Variants in RADIL observed in about 807,000 individuals in gnomAD.
RADIL encodes the protein Rap associating with DIL domain, also known as ras-associating and dilute domain-containing protein.
Under a neutral mutation model 97.6 loss-of-function variants are expected in RADIL, and 99 were observed. That is an observed-to-expected ratio of 1.01 (90% confidence interval 0.86 to 1.20). RADIL has a LOEUF of 1.20. RADIL is among the 50% of genes most tolerant of loss of function. The pLI is 0.00. For missense variants in RADIL, 1,765 were observed against 1,498.9 expected, an observed-to-expected ratio of 1.18 and a Z score of -2.93; for synonymous variants, 803 against 691.8, an observed-to-expected ratio of 1.16 and a Z score of -2.52.
At chr7:4,820,337 G>C (rs1156528539) in intron 6 of RADIL, among the ~76,000 whole-genome samples, 3 of 152,228 alleles carry the variant, frequency 2.0e-5, no homozygotes, top group African/African-American at 7.2e-5. Flanking sequence ...GAGGCCTGTA[G>C]CTGGGCAGCT....
At position 4,797,671 on chromosome 7, in the gene RADIL, G is replaced by C. The variant is rs1219400641; in HGVS notation, c.*1707C>G. 2 of 152,182 alleles carry C rather than the reference G, an allele frequency of 1.3e-5. No homozygotes were observed. Among genetic ancestry groups the C allele is most frequent in the African/African-American group, 4.8e-5 (2 of 41,418 alleles). 9.4% of individuals were successfully genotyped at this position (152,182 alleles called of 1,614,324 possible). On this transcript the variant is annotated 3_prime_UTR_variant, in exon 15 of 15. Transcript: ENST00000399583. ...TCGGCAGTGCTAACACACACGTTGT[G>C]GGACTCCTAGGAAAAGAAACAGAAC...
Position 4,879,772 on chromosome 7 carries a change from G to A in RADIL, c.-64-1569C>T, listed in dbSNP as rs1041235646. Among the ~76,000 whole-genome samples the A allele has an allele frequency of 1.3e-5, 2 of 152,114 alleles. No homozygotes were observed. The highest frequency in any genetic ancestry group is 6.6e-5 in the Admixed American group (1 of 15,264). ...CCTTAGGAAACTAAACAGTGGAACC[G>A]CCCCAGCCTCCAAAGCTGACACTGC... On this transcript the variant is annotated intron_variant, in intron 1 of 14. Coordinates refer to ENST00000399583, the MANE Select transcript of RADIL (RefSeq NM_018059.5). The surrounding 1 kb of genome is among the most constrained non-coding windows in gnomAD (Gnocchi z 4.1).
At chr7:4,847,227 A>T (rs1174510821) in intron 2 of RADIL, among the ~76,000 whole-genome samples, 1 of 152,174 alleles carries the variant, frequency 6.6e-6, no homozygotes, top group Non-Finnish European at 1.5e-5. Context: ...AGGCTGAGGC[A>T]GGAGAATCGC....
intron 2 of RADIL, among the ~76,000 whole-genome samples, chr7:4,875,398 A>G (rs1784353241): frequency 6.6e-6 from 1 of 152,028 alleles, no homozygotes; most frequent in Non-Finnish European, 1.5e-5. Flanking sequence ...ATCTCAAAAA[A>G]AAAAAAAGAA....
intron 5 of RADIL, among the ~76,000 whole-genome samples, chr7:4,823,388 T>C (rs1486357544): frequency 6.6e-6 from 1 of 151,694 alleles, no homozygotes; most frequent in Non-Finnish European, 1.5e-5. Context: ...CAGGCTGCTC[T>C]TGAACTCCTA....
intron 2 of RADIL, 43 bp downstream of exon 2, chr7:4,877,562 C>T (rs768209723): frequency 1.2e-5 from 19 of 1,545,382 alleles, no homozygotes; most frequent in Middle Eastern, 2.0e-4. Context: ...GCCTTCTCAG[C>T]GCTCAGACCC....
In RADIL at chr7:4,877,610, G is replaced by A. The variant is rs774168165; in HGVS notation, c.530C>T (p.Thr177Met). The A allele has an allele frequency of 1.3e-5, 21 of 1,595,750 alleles. No individual in the cohort carries two copies. The highest frequency in any genetic ancestry group is 4.6e-5 in the South Asian group (4 of 86,972). ...ELAAKEVDTI[T>M]AGINAQARRL... The stretch of plus-strand genomic sequence containing the variant: ...GAACCTGTGGCCCCCCTCACCTGCC[G>A]TGATGGTGTCCACCTCCTTGGCTGC... Residue 177 changes from threonine to methionine, a missense_variant, in exon 2 of 15, where the codon ACG (threonine) becomes ATG (methionine). Transcript: ENST00000399583.
Position 4,798,196 on chromosome 7 carries a change from G to C in RADIL, c.*1182C>G, listed in dbSNP as rs377259062. ...GGAACCTGGCAGTGGTCGCCGTTTCGAGCCAGGCGCAATGCGGAGCCGCAC... is the reference window on the plus strand; with the variant it reads ...GGAACCTGGCAGTGGTCGCCGTTTCCAGCCAGGCGCAATGCGGAGCCGCAC... On this transcript the variant is annotated 3_prime_UTR_variant, in exon 15 of 15. Transcript: ENST00000399583. 6 of 150,566 alleles carry C rather than the reference G, an allele frequency of 4.0e-5. No individual in the cohort carries two copies. The highest frequency in any genetic ancestry group is 7.3e-5 in the African/African-American group (3 of 40,940). The allele number at this position is 150,566 out of a possible 1,614,324, so 9.3% of individuals were successfully genotyped here. A position where few individuals can be genotyped will look rare whatever the true frequency, so the allele number is the denominator to read the frequency against.
Position 4,805,618 on chromosome 7 carries a change from G to C in RADIL, c.2238C>G (p.Pro746=). ...THYQLASAMG[P]MSTWEPGAQD... ...GGGCCCCTGGCTCCCAGGTGCTCAT[G>C]GGGCCCATGGCCGAGGCCAGCTGGT... Residue 746 remains proline (P), a synonymous_variant, in exon 10 of 15, where the codon CCC becomes CCG. Transcript: ENST00000399583. The C allele has an allele frequency of 6.2e-7, 1 of 1,611,698 alleles. No homozygotes were observed. The highest frequency in any genetic ancestry group is 1.1e-5 in the South Asian group (1 of 91,062).
chr7:4,832,007 G>T, intron 5 of RADIL, 134 bp downstream of exon 5: 2 of 918,406 alleles, frequency 2.2e-6, no homozygotes, highest in Non-Finnish European at 3.3e-6. Context: ...AAAGGCCGCT[G>T]CTTGGATGGA....
At position 4,809,774 on chromosome 7, in the gene RADIL, C is replaced by G. The variant is rs181922024; in HGVS notation, c.2140-4058G>C. The stretch of plus-strand genomic sequence containing the variant: ...CTCGGCTCACTGCAACCTCCATCTC[C>G]CGAGTTCAAGTGATTCATACGTCTC... On this transcript the variant is annotated intron_variant, in intron 9 of 14. Coordinates refer to ENST00000399583, the MANE Select transcript of RADIL (RefSeq NM_018059.5). 2.1e-3 allele frequency among the ~76,000 whole-genome samples: 319 copies of G among 152,306 alleles called. 2 individuals are homozygous for G. The highest frequency in any genetic ancestry group is 4.7e-3 in the African/African-American group (196 of 41,560).
intron 2 of RADIL, chr7:4,865,497 T>C (rs1422678398): frequency 1.3e-6 from 1 of 783,342 alleles, no homozygotes; most frequent in African/African-American, 1.7e-5. Context: ...GTAACTCTCT[T>C]TGCTGTTAGC....
In RADIL at chr7:4,815,635, C is replaced by T. The variant is rs181309820; in HGVS notation, c.1967-185G>A. Among the ~76,000 whole-genome samples, 169 of 152,240 alleles carry T rather than the reference C, an allele frequency of 1.1e-3. 2 individuals are homozygous for T. Among genetic ancestry groups the T allele is most frequent in the Admixed American group, 3.6e-3 (55 of 15,292 alleles). The stretch of plus-strand genomic sequence containing the variant: ...ACCAGCCTTGAACCCCTCTCTGGAG[C>T]GGGGGTACGGTGGGAGGTGAACGTA... On this transcript the variant is annotated intron_variant, in intron 8 of 14. Coordinates refer to ENST00000399583, the MANE Select transcript of RADIL (RefSeq NM_018059.5). This position sits in a 1 kb window ranked among gnomAD's most constrained non-coding sequence, Gnocchi z 8.0.
rs1784402049 is a variant in RADIL, at chr7:4,877,602, C to CA, written c.535+2dup. 3 of 1,586,808 alleles carry CA rather than the reference C, an allele frequency of 1.9e-6. No individual in the cohort carries two copies. In the African/African-American group the frequency reaches 4.0e-5, roughly 21 times the overall value. The stretch of plus-strand genomic sequence containing the variant: ...CTCTTCCTGAACCTGTGGCCCCCCT[C>CA]ACCTGCCGTGATGGTGTCCACCTCC... On this transcript the variant is annotated splice_region_variant and intron_variant, in intron 2 of 14. Transcript: ENST00000399583.
rs1268348305 is a variant in RADIL at position 4,799,366 on chromosome 7, C to A, written c.*12G>T. 6.2e-7 allele frequency: 1 copy of A among 1,612,978 alleles called. No homozygotes were observed. Among genetic ancestry groups the A allele is most frequent in the Non-Finnish European group, 8.5e-7 (1 of 1,179,502 alleles). On this transcript the variant is annotated 3_prime_UTR_variant, in exon 15 of 15. Transcript: ENST00000399583. ...CGGGTGCCGGGCCTGTGGGGGTGTC[C>A]TCGCAGCCCCCCTAGAGAGGGGGCG...
At chr7:4,841,359 G>A (rs1783435101) in intron 2 of RADIL, among the ~76,000 whole-genome samples, 1 of 152,226 alleles carries the variant, frequency 6.6e-6, no homozygotes, top group Admixed American at 6.5e-5. Context: ...GAAGTTTCTA[G>A]AACAGCAGCC....
chr7:4,856,400 G>A (rs867629565), intron 2 of RADIL, among the ~76,000 whole-genome samples: 8 of 152,158 alleles, frequency 5.3e-5, no homozygotes, highest in African/African-American at 1.4e-4. Flanking sequence ...ATGAGCTACC[G>A]CACCCGGCCT....
At chr7:4,832,415 T>G (rs953455190) in intron 4 of RADIL, among the ~76,000 whole-genome samples, 2 of 152,054 alleles carry the variant, frequency 1.3e-5, no homozygotes, top group African/African-American at 4.8e-5. Context: ...ATCTCACAAC[T>G]CTCTAGCTTA....
chr7:4,832,676 T>C (rs888959710), intron 4 of RADIL, among the ~76,000 whole-genome samples: 2 of 147,964 alleles, frequency 1.4e-5, no homozygotes, highest in African/African-American at 5.0e-5. Context: ...GAGGCAGAGG[T>C]TGCAGTGAGA....
Sources: gnomAD v4.1 joint callset for allele counts (sites outside exome capture counted in the v4.1 genomes callset) on GRCh38, gnomAD v4.1.1 for gene constraint, Gnocchi (gnomAD v3.1) non-coding constraint, MANE v1.5 for transcripts, NCBI Gene and HGNC (gene_info 2026-07-23, HGNC 2026-07-21) for gene names.